The following ARHGAP20 variants were observed in gnomAD, a reference collection of about 807,000 sequenced individuals.
ARHGAP20 encodes the protein rho GTPase-activating protein 20.
A neutral mutation model predicts 73.7 loss-of-function variants in ARHGAP20; 34 were observed. That is an observed-to-expected ratio of 0.46 (90% CI 0.35 to 0.61). The LOEUF (loss-of-function observed/expected upper bound fraction) is 0.61. Among genes scored for constraint, ARHGAP20 ranks in the 20% least tolerant of loss-of-function variants. The pLI is 0.00. For synonymous variants in ARHGAP20, 523 were observed against 518.2 expected, an observed-to-expected ratio of 1.01 and a Z score of -0.13; for missense variants, 1,314 against 1,420.9, an observed-to-expected ratio of 0.92 and a Z score of 1.21.
chr11:110,578,524 G>A lies in ARHGAP20; in HGVS notation c.*846C>T. On this transcript the variant is annotated 3_prime_UTR_variant, in exon 15 of 15. Coordinates refer to ENST00000683387, the MANE Select transcript of ARHGAP20 (RefSeq NM_001384657.1). The stretch of plus-strand genomic sequence containing the variant: ...TTGTTGTGGTCTTTTCCTCCATATT[G>A]AGAGTGAACGCTGTCAGGAGGTCAC... The A allele has an allele frequency of 5.1e-6, 5 of 985,392 alleles. No individual in the cohort carries two copies. Among genetic ancestry groups the A allele is most frequent in the Non-Finnish European group, 6.0e-6 (5 of 829,898 alleles). 61.0% of individuals were successfully genotyped at this position (985,392 alleles called of 1,614,324 possible).
At position 110,646,002 on chromosome 11, in the gene ARHGAP20, A is replaced by G. The variant is rs567140814; in HGVS notation, c.189-15210T>C. 5.7e-4 allele frequency among the ~76,000 whole-genome samples: 87 copies of G among 152,242 alleles called. No individual in the cohort carries two copies. The South Asian group carries it at 7.4e-3, about 13-fold the overall frequency. ...GAGGTAGGGGGCCAAGGGCTGAGAA[A>G]CTACCTATTGGGTACTATGCTCACT... On this transcript the variant is annotated intron_variant, in intron 2 of 14. Coordinates refer to ENST00000683387, the MANE Select transcript of ARHGAP20 (RefSeq NM_001384657.1).
intron 1 of ARHGAP20, among the ~76,000 whole-genome samples, chr11:110,693,939 G>T (rs1950289167): frequency 6.6e-6 from 1 of 151,890 alleles, no homozygotes; most frequent in South Asian, 2.1e-4. Context: ...TGTTGTACTT[G>T]ATGTTTATAA....
chr11:110,673,766 A>G lies in ARHGAP20; in HGVS notation c.188+16781T>C, dbSNP rs562551296. 7.9e-5 allele frequency among the ~76,000 whole-genome samples: 12 copies of G among 152,268 alleles called. No homozygotes were observed. In the East Asian group the frequency reaches 1.9e-3, roughly 24 times the overall value. On this transcript the variant is annotated intron_variant, in intron 2 of 14. Transcript: ENST00000683387. ...AACCTTATGGCCACCATGATATTAT[A>G]ATAGTAACAGTTAAGTTTCTTAAAC...
intron 4 of ARHGAP20, among the ~76,000 whole-genome samples, chr11:110,621,845 T>A (rs923308605): frequency 8.5e-5 from 13 of 152,256 alleles, no homozygotes; most frequent in Admixed American, 1.3e-4. Flanking sequence ...TTGGAGACTG[T>A]ATTCTGTTAT....
At chr11:110,619,588 T>TAGTGATAGAGTGTATGC (rs1565442086) in intron 4 of ARHGAP20, among the ~76,000 whole-genome samples, 42 of 148,744 alleles carry the variant, frequency 2.8e-4, no homozygotes, top group African/African-American at 9.3e-4. Context: ...AGCGTATATG[T>TAGTGATAGAGTGTATGC]AGTGATAGAG....
chr11:110,615,255 T>C (rs903976984), intron 5 of ARHGAP20, among the ~76,000 whole-genome samples: 2 of 152,158 alleles, frequency 1.3e-5, no homozygotes, highest in Non-Finnish European at 2.9e-5. Context: ...TTAGCTCCAA[T>C]TGGTAGGCTG....
chr11:110,586,317 C>A lies in ARHGAP20; in HGVS notation c.1314G>T (p.Leu438=). 1 of 1,569,028 alleles carries A rather than the reference C, an allele frequency of 6.4e-7. No individual in the cohort carries two copies. Among genetic ancestry groups the A allele is most frequent in the African/African-American group, 1.4e-5 (1 of 73,124 alleles). The part of the protein sequence containing the change: ...FVIASVLKDF[L]RNIPGSIFSS... Reference sequence around the variant, plus strand: ...AAAAAATACTTCCTGGAATATTTCGCAGAAAATCCTTAAATAGATGGAAAA... The same window carrying A: ...AAAAAATACTTCCTGGAATATTTCGAAGAAAATCCTTAAATAGATGGAAAA... Residue 438 remains leucine (L), a synonymous_variant, in exon 12 of 15, where the codon CTG becomes CTT. Transcript: ENST00000683387.
chr11:110,648,169 GTAAATATATA>G lies in ARHGAP20; in HGVS notation c.189-17387_189-17378del, dbSNP rs1565457240. 2.8e-4 allele frequency among the ~76,000 whole-genome samples: 19 copies of G among 68,390 alleles called. No homozygotes were observed. The East Asian group carries it at 0.012, about 43-fold the overall frequency. 44.9% of individuals were successfully genotyped at this position (68,390 alleles called of 152,430 possible). ...TGATATATATAATATATATATATAT[GTAAATATATA>G]TATATATATGTAAATATATATATAT... On this transcript the variant is annotated intron_variant, in intron 2 of 14. Transcript: ENST00000683387.
intron 9 of ARHGAP20, among the ~76,000 whole-genome samples, chr11:110,593,432 C>G (rs1396462885): frequency 6.6e-6 from 1 of 152,154 alleles, no homozygotes; most frequent in Non-Finnish European, 1.5e-5. Flanking sequence ...ACTATAAACT[C>G]TGGAAAACCA....
chr11:110,634,723 G>T (rs997714604), intron 2 of ARHGAP20, among the ~76,000 whole-genome samples: 22 of 151,954 alleles, frequency 1.4e-4, no homozygotes, highest in Non-Finnish European at 3.2e-4. Context: ...TTTATATATG[G>T]GACTAACTAA....
chr11:110,589,668 A>C, intron 11 of ARHGAP20: 1 of 985,426 alleles, frequency 1.0e-6, no homozygotes. Flanking sequence ...CATTTCCAAG[A>C]ATGTGGGGGC....
At chr11:110,683,526 T>C (rs759993195) in intron 2 of ARHGAP20, among the ~76,000 whole-genome samples, 1 of 152,110 alleles carries the variant, frequency 6.6e-6, no homozygotes, top group Non-Finnish European at 1.5e-5. Context: ...CAACAAATAA[T>C]AACTGAACAG....
At chr11:110,584,499 C>T (rs1947566775) in intron 12 of ARHGAP20, among the ~76,000 whole-genome samples, 1 of 150,950 alleles carries the variant, frequency 6.6e-6, no homozygotes, top group Non-Finnish European at 1.5e-5. Context: ...AGCAGGGAGG[C>T]CTTTCTTTAG....
rs1457344616 is a variant in ARHGAP20, at chr11:110,584,896, AATATATGTGAAT to A, written c.1416-1171_1416-1160del. Among the ~76,000 whole-genome samples the A allele has an allele frequency of 1.5e-3, 215 of 142,124 alleles. 1 individual carries two copies. Among genetic ancestry groups the A allele is most frequent in the African/African-American group, 5.1e-3 (205 of 40,128 alleles). The allele number at this position is 142,124 out of a possible 152,430, so 93.2% of individuals were successfully genotyped here. A position where few individuals can be genotyped will look rare whatever the true frequency, so the allele number is the denominator to read the frequency against. Reference sequence around the variant, plus strand: ...GAATATATATGTGAATGTAAAAATGAATATATGTGAATATATATATGAATATATATGTGAATA... The same window carrying A: ...GAATATATATGTGAATGTAAAAATGAATATATATGAATATATATGTGAATA... On this transcript the variant is annotated intron_variant, in intron 12 of 14. Coordinates refer to ENST00000683387, the MANE Select transcript of ARHGAP20 (RefSeq NM_001384657.1).
chr11:110,642,384 A>G (rs534288842), intron 2 of ARHGAP20, among the ~76,000 whole-genome samples: 5 of 152,130 alleles, frequency 3.3e-5, no homozygotes, highest in African/African-American at 4.8e-5. Flanking sequence ...AAGAGAATGG[A>G]TCCAGCTTTT....
intron 2 of ARHGAP20, among the ~76,000 whole-genome samples, chr11:110,636,433 T>C (rs866127468): frequency 6.6e-5 from 10 of 152,142 alleles, no homozygotes; most frequent in African/African-American, 2.4e-4. Context: ...ATTAGGCTAT[T>C]TTTAAAAATA....
At chr11:110,635,750 T>G (rs755400563) in intron 2 of ARHGAP20, among the ~76,000 whole-genome samples, 1 of 151,770 alleles carries the variant, frequency 6.6e-6, no homozygotes, top group Non-Finnish European at 1.5e-5. Context: ...AGGTTGGAAT[T>G]AAGCAGAGAA....
At position 110,579,822 on chromosome 11, in the gene ARHGAP20, C is replaced by T; in HGVS notation, c.3124G>A (p.Val1042Met). ...LHPSTWLRNG[V>M]ASLKNWSLKK... The stretch of plus-strand genomic sequence containing the variant: ...AGGGACCAGTTTTTCAAACTGGCCA[C>T]ACCATTTCTCAACCATGTGCTGGGA... Residue 1042 changes from valine (V) to methionine (M), a missense_variant, in exon 15 of 15, where the codon GTG (valine) becomes ATG (methionine). Physicochemically the swap from Val to Met is conservative, Grantham distance 21. Transcript: ENST00000683387. The T allele has an allele frequency of 6.2e-7, 1 of 1,614,184 alleles. No homozygotes were observed. Among genetic ancestry groups the T allele is most frequent in the Non-Finnish European group, 8.5e-7 (1 of 1,180,040 alleles).
intron 14 of ARHGAP20, among the ~76,000 whole-genome samples, chr11:110,581,930 C>CAAA (rs35432649): frequency 5.6e-5 from 5 of 89,224 alleles, no homozygotes; most frequent in South Asian, 3.6e-4. Context: ...AAGGAGAGGA[C>CAAA]AAAAAAAAAA....
Sources: allele counts gnomAD v4.1 joint callset (sites outside exome capture counted in the v4.1 genomes callset), GRCh38; gene constraint gnomAD v4.1.1; transcripts MANE v1.5; gene names NCBI Gene and HGNC (gene_info 2026-07-23, HGNC 2026-07-21).